The following MTRF1 variants were observed in gnomAD, a reference collection of about 807,000 sequenced individuals.
MTRF1 encodes the protein peptide chain release factor 1, mitochondrial.
MTRF1 carries 51 observed loss-of-function variants against 62.9 expected under a neutral mutation model. That is an observed-to-expected ratio of 0.81 (90% confidence interval 0.65 to 1.02). The LOEUF is 1.02. Ranked by LOEUF, MTRF1 falls within the 50% of genes least tolerant of loss-of-function variation. The pLI, the probability that MTRF1 is intolerant of heterozygous loss-of-function variation, is 0.00. For synonymous variants in MTRF1, 158 were observed against 181.9 expected (o/e 0.87, Z 1.06); for missense variants, 446 against 530.0 (o/e 0.84, Z 1.56).
At chr13:41,293,076 C>T in the MTRF1 span, among the ~76,000 whole-genome samples, 4 of 152,048 alleles carry the variant, frequency 2.6e-5, no homozygotes, top group African/African-American at 9.7e-5. Flanking sequence ...AATTTGGATC[C>T]AATTGTCTTT....
At chr13:41,226,281 C>T in intron 8 of MTRF1, 151 bp downstream of exon 8, 8 of 781,268 alleles carry the variant, frequency 1.0e-5, no homozygotes, top group Non-Finnish European at 1.4e-5. Flanking sequence ...CCCATCAGTT[C>T]ATTTGTACTG....
At chr13:41,245,599 A>G (rs779737212) in intron 5 of MTRF1, among the ~76,000 whole-genome samples, 8 of 152,152 alleles carry the variant, frequency 5.3e-5, no homozygotes, top group Admixed American at 1.3e-4. Flanking sequence ...TTTTGTAGTC[A>G]TATCTTTCTA....
intron 5 of MTRF1, among the ~76,000 whole-genome samples, chr13:41,252,114 A>T (rs528100301): frequency 1.6e-3 from 249 of 152,294 alleles, no homozygotes; most frequent in African/African-American, 5.6e-3. Context: ...TCCTGACCTC[A>T]GGTGATCCAC....
At chr13:41,276,950 A>G in the MTRF1 span, among the ~76,000 whole-genome samples, 2 of 151,918 alleles carry the variant, frequency 1.3e-5, no homozygotes, top group East Asian at 3.9e-4. Flanking sequence ...GACAGCTTCA[A>G]CTCCCTATGA....
the MTRF1 span, among the ~76,000 whole-genome samples, chr13:41,271,426 T>G: frequency 1.3e-5 from 2 of 152,188 alleles, no homozygotes; most frequent in Admixed American, 6.5e-5. Flanking sequence ...GAGTATTTGT[T>G]TCCCACTTTT....
chr13:41,306,618 T>G, the MTRF1 span, among the ~76,000 whole-genome samples: 1 of 152,204 alleles, frequency 6.6e-6, no homozygotes, highest in Non-Finnish European at 1.5e-5. Context: ...CAGATTCTTC[T>G]CTCCTTGTCT....
the MTRF1 span, among the ~76,000 whole-genome samples, chr13:41,295,697 T>C: frequency 1.3e-5 from 2 of 152,178 alleles, no homozygotes; most frequent in African/African-American, 4.8e-5. Flanking sequence ...GCTTTTGAAG[T>C]TTTATGATTA....
At chr13:41,234,218 C>T (rs1259988322) in intron 6 of MTRF1, among the ~76,000 whole-genome samples, 1 of 152,212 alleles carries the variant, frequency 6.6e-6, no homozygotes, top group Non-Finnish European at 1.5e-5. Flanking sequence ...CCCTCTGTTG[C>T]CTAGGCTGGA....
intron 5 of MTRF1, among the ~76,000 whole-genome samples, chr13:41,250,562 C>T (rs1290186698): frequency 2.0e-5 from 3 of 151,100 alleles, no homozygotes; most frequent in African/African-American, 7.3e-5. Context: ...GGTGTGATCT[C>T]GACTCACTGC....
chr13:41,306,302 T>C, the MTRF1 span, among the ~76,000 whole-genome samples: 1 of 151,238 alleles, frequency 6.6e-6, no homozygotes, highest in African/African-American at 2.4e-5. Context: ...GAGAACGGCG[T>C]GAACCCGGGA....
chr13:41,227,986 G>T (rs2034770387), intron 7 of MTRF1, among the ~76,000 whole-genome samples: 1 of 152,196 alleles, frequency 6.6e-6, no homozygotes, highest in Admixed American at 6.5e-5. Context: ...CTACCCAAAA[G>T]AATATGAACA....
At chr13:41,283,209 T>C in the MTRF1 span, among the ~76,000 whole-genome samples, 2 of 152,216 alleles carry the variant, frequency 1.3e-5, no homozygotes, top group Non-Finnish European at 2.9e-5. Context: ...GGGAAAAGTT[T>C]TCTCTGTTTA....
At chr13:41,284,571 T>C in the MTRF1 span, among the ~76,000 whole-genome samples, 1 of 151,706 alleles carries the variant, frequency 6.6e-6, no homozygotes, top group African/African-American at 2.4e-5. Context: ...AAAAAAAATT[T>C]CTCTGATAAT....
chr13:41,299,397 C>A, the MTRF1 span, among the ~76,000 whole-genome samples: 1 of 152,118 alleles, frequency 6.6e-6, no homozygotes, highest in Non-Finnish European at 1.5e-5. Flanking sequence ...CCGGCTTTTA[C>A]TAATGGATCA....
intron 8 of MTRF1, among the ~76,000 whole-genome samples, chr13:41,224,505 C>A (rs1168327725): frequency 6.6e-6 from 1 of 152,206 alleles, no homozygotes; most frequent in Non-Finnish European, 1.5e-5. Context: ...AGCCCAACCT[C>A]AGATATAATG....
intron 2 of MTRF1, among the ~76,000 whole-genome samples, chr13:41,259,861 A>G (rs1021728624): frequency 6.6e-6 from 1 of 152,118 alleles, no homozygotes; most frequent in African/African-American, 2.4e-5. Flanking sequence ...CCTCTAGTAG[A>G]GCAGGTCTCA....
chr13:41,293,930 G>A, the MTRF1 span, among the ~76,000 whole-genome samples: 1 of 151,904 alleles, frequency 6.6e-6, no homozygotes, highest in African/African-American at 2.4e-5. Flanking sequence ...TTGATATATT[G>A]AAAATGAACC....
At chr13:41,265,045 C>CA (rs2040796847), upstream of MTRF1, among the ~76,000 whole-genome samples, 1 of 152,108 alleles carries the variant, frequency 6.6e-6, no homozygotes. Context: ...CTAAGTTATC[C>CA]AAAAAGTTCT....
At chr13:41,239,296 T>C (rs183864586) in intron 6 of MTRF1, among the ~76,000 whole-genome samples, 151 of 152,270 alleles carry the variant, frequency 9.9e-4, no homozygotes, top group African/African-American at 3.5e-3. Context: ...AACTGTTAAA[T>C]GTACTAGATA....
Sources: gnomAD v4.1 joint callset for allele counts (sites outside exome capture counted in the v4.1 genomes callset) on GRCh38, gnomAD v4.1.1 for gene constraint, MANE v1.5 for transcripts, NCBI Gene and HGNC (gene_info 2026-07-23, HGNC 2026-07-21) for gene names.